The following NEGR1 variants were observed in gnomAD, a reference collection of about 807,000 sequenced individuals.
The protein encoded by NEGR1 is neuronal growth regulator 1, also known as IgLON family member 4.
A neutral mutation model predicts 40.9 loss-of-function variants in NEGR1; 10 were observed. The ratio of observed to expected loss-of-function variants is 0.24; its 90% CI spans 0.15 to 0.42. The LOEUF (loss-of-function observed/expected upper bound fraction) is 0.42. NEGR1 is among the 10% of genes least tolerant of loss of function. The pLI, the probability that NEGR1 is intolerant of heterozygous loss-of-function variation, is 1.00. For synonymous variants in NEGR1, 185 were observed against 166.8 expected, an observed-to-expected ratio of 1.11 and a Z score of -0.84; for missense variants, 352 against 438.9, an observed-to-expected ratio of 0.80 and a Z score of 1.77.
At chr1:72,180,669 T>G (rs561161559) in intron 1 of NEGR1, among the ~76,000 whole-genome samples, 1 of 152,182 alleles carries the variant, frequency 6.6e-6, no homozygotes, top group South Asian at 2.1e-4. Context: ...CAGACATTTC[T>G]CCGAATAAGA....
chr1:71,741,357 A>G (rs775629285), intron 3 of NEGR1, among the ~76,000 whole-genome samples: 1 of 152,226 alleles, frequency 6.6e-6, no homozygotes, highest in Non-Finnish European at 1.5e-5. Flanking sequence ...TGTATCTGCC[A>G]TCTTTTGCCA....
intron 1 of NEGR1, among the ~76,000 whole-genome samples, chr1:72,091,338 TTCTC>T (rs144540988): frequency 4.0e-5 from 6 of 150,390 alleles, no homozygotes; most frequent in Admixed American, 6.6e-5. Context: ...ACCACTCTTT[TTCTC>T]TCTCTCAGTT....
At chr1:71,522,730 TACACAC>T (rs3980477) in intron 6 of NEGR1, among the ~76,000 whole-genome samples, 2 of 144,292 alleles carry the variant, frequency 1.4e-5, no homozygotes, top group African/African-American at 2.6e-5. Flanking sequence ...ACCCCCCCCT[TACACAC>T]ACACACACAC....
chr1:72,207,181 T>C (rs1653437282), intron 1 of NEGR1, among the ~76,000 whole-genome samples: 1 of 150,886 alleles, frequency 6.6e-6, no homozygotes, highest in South Asian at 2.1e-4. Context: ...CAAAAGTCAA[T>C]ATATATGTAC....
At chr1:72,276,118 A>C (rs2100565505) in intron 1 of NEGR1, among the ~76,000 whole-genome samples, 1 of 152,100 alleles carries the variant, frequency 6.6e-6, no homozygotes, top group East Asian at 1.9e-4. Flanking sequence ...AGAAAAGAAA[A>C]GTGTAAGTCA....
chr1:72,135,422 CA>C (rs71074820), intron 1 of NEGR1, among the ~76,000 whole-genome samples: 75,662 of 102,210 alleles, frequency 0.74, 25,208 homozygotes, highest in Admixed American at 0.82. Context: ...AAAACAAAAC[CA>C]AAAAAAAAAA....
At chr1:72,276,506 A>T (rs1656051831) in intron 1 of NEGR1, among the ~76,000 whole-genome samples, 1 of 152,172 alleles carries the variant, frequency 6.6e-6, no homozygotes, top group Non-Finnish European at 1.5e-5. Flanking sequence ...TTTTCCACAC[A>T]TAAGAACGTT....
rs57515875 is a variant in NEGR1, at chr1:72,142,525, TGATAGATAGATA to T, written c.176+139782_176+139793del. Among the ~76,000 whole-genome samples, 1,106 of 146,594 alleles carry T rather than the reference TGATAGATAGATA, an allele frequency of 7.5e-3. 10 individuals carry two copies. Among genetic ancestry groups the T allele is most frequent in the African/African-American group, 0.022 (875 of 39,872 alleles). ...CACAATAATCTGATACCTAGATAGA[TGATAGATAGATA>T]GATAGATAGATAGATAGATAGATAG... On this transcript the variant is annotated intron_variant, in intron 1 of 6. Transcript: ENST00000357731.
intron 1 of NEGR1, among the ~76,000 whole-genome samples, chr1:72,006,916 G>A (rs907285608): frequency 6.6e-6 from 1 of 152,158 alleles, no homozygotes; most frequent in Admixed American, 6.6e-5. Context: ...TGATGAGGGT[G>A]TAAAGTGAGA....
chr1:71,689,036 A>C (rs1653163316), intron 4 of NEGR1, among the ~76,000 whole-genome samples: 1 of 152,146 alleles, frequency 6.6e-6, no homozygotes, highest in Admixed American at 6.5e-5. Context: ...GTCACACTCC[A>C]TTGCATAAAC....
chr1:71,781,138 T>G (rs887441114), intron 2 of NEGR1, among the ~76,000 whole-genome samples: 2 of 152,238 alleles, frequency 1.3e-5, no homozygotes, highest in African/African-American at 4.8e-5. Flanking sequence ...AGCTTTAATT[T>G]CTTTCAAGAA....
intron 6 of NEGR1, among the ~76,000 whole-genome samples, chr1:71,506,008 A>G (rs1397244809): frequency 2.0e-5 from 3 of 152,220 alleles, no homozygotes; most frequent in Non-Finnish European, 4.4e-5. Context: ...ATGCCTGATT[A>G]GTGAAGGGAA....
intron 1 of NEGR1, among the ~76,000 whole-genome samples, chr1:72,204,627 C>T (rs1653331373): frequency 6.6e-6 from 1 of 152,196 alleles, no homozygotes; most frequent in East Asian, 1.9e-4. Flanking sequence ...TGCTGACTTC[C>T]TTCAAGTATT....
intron 2 of NEGR1, among the ~76,000 whole-genome samples, chr1:71,845,291 A>G (rs908141325): frequency 2.0e-5 from 3 of 152,160 alleles, no homozygotes; most frequent in African/African-American, 7.2e-5. Flanking sequence ...GAAAGCATAA[A>G]TAGTAACCAA....
intron 6 of NEGR1, among the ~76,000 whole-genome samples, chr1:71,523,142 C>A (rs565502136): frequency 6.6e-6 from 1 of 152,006 alleles, no homozygotes; most frequent in East Asian, 2.0e-4. Flanking sequence ...CCCTGATAAT[C>A]TTCTTGGAGC....
At chr1:71,811,741 G>T (rs963965023) in intron 2 of NEGR1, among the ~76,000 whole-genome samples, 2 of 150,666 alleles carry the variant, frequency 1.3e-5, no homozygotes, top group African/African-American at 4.9e-5. Flanking sequence ...AAAAGTGTCT[G>T]GTAGATAGTA....
chr1:71,793,647 A>G (rs1363793327), intron 2 of NEGR1, among the ~76,000 whole-genome samples: 1 of 152,136 alleles, frequency 6.6e-6, no homozygotes, highest in East Asian at 1.9e-4. Context: ...ACTTATAAAC[A>G]CAGAAAATTT....
At chr1:71,936,846 A>C (rs1279468354) in intron 1 of NEGR1, among the ~76,000 whole-genome samples, 2 of 152,212 alleles carry the variant, frequency 1.3e-5, no homozygotes, top group African/African-American at 2.4e-5. Flanking sequence ...GAACAGAAGA[A>C]GGCTGTGGTC....
chr1:71,575,814 CA>C (rs1648949070), intron 6 of NEGR1, among the ~76,000 whole-genome samples: 2 of 145,078 alleles, frequency 1.4e-5, no homozygotes, highest in African/African-American at 2.5e-5. Flanking sequence ...CAAAACAAAA[CA>C]AAAACAAAAA....
Sources: allele counts gnomAD v4.1 joint callset (sites outside exome capture counted in the v4.1 genomes callset), GRCh38; gene constraint gnomAD v4.1.1; transcripts MANE v1.5; gene names NCBI Gene and HGNC (gene_info 2026-07-23, HGNC 2026-07-21).